Variants in IGSF10 observed in about 807,000 individuals in gnomAD.
IGSF10 encodes the protein immunoglobulin superfamily member 10, also known as calvaria mechanical force protein 608.
A neutral mutation model predicts 128.2 loss-of-function variants in IGSF10; 126 were observed. The ratio of observed to expected loss-of-function variants is 0.98; its 90% CI spans 0.85 to 1.14. The LOEUF (loss-of-function observed/expected upper bound fraction) is 1.14, where lower values mean the gene tolerates loss of function less well. Among genes scored for constraint, IGSF10 ranks in the 50% most tolerant of loss-of-function variants. IGSF10 has a pLI of 0.00. For missense variants in IGSF10, 3,295 were observed against 3,149.8 expected, an observed-to-expected ratio of 1.05 and a Z score of -1.10; for synonymous variants, 1,185 against 1,146.2, an observed-to-expected ratio of 1.03 and a Z score of -0.68.
At chr3:151,520,868 A>T in the IGSF10 span, among the ~76,000 whole-genome samples, 1 of 151,886 alleles carries the variant, frequency 6.6e-6, no homozygotes, top group South Asian at 2.1e-4. Flanking sequence ...AATCAAATCC[A>T]CACATATCAA....
At chr3:151,465,192 A>C (rs910397596), upstream of IGSF10, among the ~76,000 whole-genome samples, 1 of 152,234 alleles carries the variant, frequency 6.6e-6, no homozygotes, top group Non-Finnish European at 1.5e-5. Flanking sequence ...TTAGGGAATA[A>C]AAGAGAGGAT....
In IGSF10 at chr3:151,438,116, T is replaced by C. The variant is rs1354639193; in HGVS notation, c.6445A>G (p.Thr2149Ala). Reference protein sequence around the residue: ...AAPRIRQSNKTNKRIKAGDTA... With the variant: ...AAPRIRQSNKANKRIKAGDTA... ...TCTCCAGCTTTGATTCTCTTGTTGG[T>C]TTTGTTACTCTGCCTTATCCGGGGA... is the stretch of plus-strand genomic sequence containing the variant. Residue 2149 changes from threonine (T) to alanine (A), a missense_variant, in exon 8 of 8, where the codon ACC (threonine) becomes GCC (alanine). Transcript: ENST00000282466. 8 of 1,614,070 alleles carry C rather than the reference T, an allele frequency of 5.0e-6. No homozygotes were observed. In the Admixed American group the frequency reaches 8.3e-5, roughly 17 times the overall value.
At chr3:151,436,025 G>A (rs1393719217), downstream of IGSF10, 1 of 152,014 alleles carries the variant, frequency 6.6e-6, no homozygotes, top group Non-Finnish European at 1.5e-5. Flanking sequence ...GGTGTATTTG[G>A]ACAAAAATAA....
chr3:151,438,160 A>G lies in IGSF10; in HGVS notation c.6401T>C (p.Leu2134Ser), dbSNP rs1720544929. 1 of 1,614,152 alleles carries G rather than the reference A, an allele frequency of 6.2e-7. No homozygotes were observed. The highest frequency in any genetic ancestry group is 2.2e-5 in the East Asian group (1 of 44,880). Reference protein sequence around the residue: ...TLGKDEMKVHLTVITAAPRIR... With the variant: ...TLGKDEMKVHSTVITAAPRIR... ...CCGGGGAGCAGCTGTTATAACTGTT[A>G]AGTGGACCTTCATTTCATCTTTCCC... is the stretch of plus-strand genomic sequence containing the variant. Residue 2134 changes from leucine to serine, a missense_variant, in exon 8 of 8, where the codon TTA (leucine) becomes TCA (serine). Leu to Ser is a moderately radical substitution (Grantham distance 145). Coordinates refer to ENST00000282466, the MANE Select transcript of IGSF10 (RefSeq NM_178822.5).
At chr3:151,568,342 AC>A in the IGSF10 span, among the ~76,000 whole-genome samples, 1 of 152,146 alleles carries the variant, frequency 6.6e-6, no homozygotes, top group Non-Finnish European at 1.5e-5. Flanking sequence ...CACTGTGCAA[AC>A]CAAAATCCTT....
the IGSF10 span, among the ~76,000 whole-genome samples, chr3:151,571,563 T>C: frequency 2.0e-5 from 3 of 152,206 alleles, no homozygotes; most frequent in Non-Finnish European, 4.4e-5. Flanking sequence ...TTTTTGCACA[T>C]TGATTTTGTA....
chr3:151,545,802 A>G, the IGSF10 span, among the ~76,000 whole-genome samples: 1 of 120,616 alleles, frequency 8.3e-6, no homozygotes, highest in Admixed American at 8.5e-5. Context: ...ACATTTTTGG[A>G]TGGAAAGAAA....
At chr3:151,606,201 T>G in the IGSF10 span, among the ~76,000 whole-genome samples, 1,267 of 152,346 alleles carry the variant, frequency 8.3e-3, 26 homozygotes, top group African/African-American at 0.029. Context: ...CTTTGAGATA[T>G]TTATTTAATT....
At chr3:151,467,853 C>T in the IGSF10 span, among the ~76,000 whole-genome samples, 1 of 148,572 alleles carries the variant, frequency 6.7e-6, no homozygotes, top group African/African-American at 2.5e-5. Context: ...CACTGCATTC[C>T]AGCCTGGGCG....
the IGSF10 span, among the ~76,000 whole-genome samples, chr3:151,610,068 G>A: frequency 6.6e-6 from 1 of 152,132 alleles, no homozygotes; most frequent in East Asian, 1.9e-4. Context: ...ATTTTGACAG[G>A]GCAACAGTGG....
rs1720528095 is a variant in IGSF10, at chr3:151,438,060, C to T, written c.6501G>A (p.Gly2167=). 2 of 1,614,152 alleles carry T rather than the reference C, an allele frequency of 1.2e-6. No individual in the cohort carries two copies. Among genetic ancestry groups the T allele is most frequent in the Non-Finnish European group, 1.7e-6 (2 of 1,180,024 alleles). ...ACCAAAATATTTTTGGTTTGGGATCCCCAGTGACCTCACAGTCAAGGACAG... is the reference window on the plus strand; with the variant it reads ...ACCAAAATATTTTTGGTTTGGGATCTCCAGTGACCTCACAGTCAAGGACAG... ...DTAVLDCEVT[G]DPKPKIFWLL... The change falls in exon 8 of 8, where the codon GGG becomes GGA. Residue 2167 remains glycine (G), a synonymous_variant. Transcript: ENST00000282466.
the IGSF10 span, among the ~76,000 whole-genome samples, chr3:151,582,304 C>T: frequency 1.0e-3 from 24 of 23,764 alleles, no homozygotes; most frequent in Admixed American, 7.8e-3. Flanking sequence ...GGGGGGGGGG[C>T]GGGAAGCACA....
the IGSF10 span, among the ~76,000 whole-genome samples, chr3:151,522,777 A>C: frequency 1.3e-5 from 2 of 152,186 alleles, no homozygotes; most frequent in African/African-American, 4.8e-5. Flanking sequence ...AAACTGGCAC[A>C]AGACCAGGAT....
the IGSF10 span, among the ~76,000 whole-genome samples, chr3:151,610,176 TG>T: frequency 7.9e-5 from 12 of 151,938 alleles, no homozygotes; most frequent in Non-Finnish European, 1.0e-4. Context: ...AGGAGAGCAT[TG>T]GTAAAGGAAA....
the IGSF10 span, among the ~76,000 whole-genome samples, chr3:151,475,355 G>C: frequency 6.6e-6 from 1 of 152,190 alleles, no homozygotes; most frequent in Non-Finnish European, 1.5e-5. Context: ...TCTCTAAATT[G>C]AGAGGTTAAC....
chr3:151,453,424 G>A lies in IGSF10; in HGVS notation c.675C>T (p.Cys225=), dbSNP rs774458130. 77 of 1,607,898 alleles carry A rather than the reference G, an allele frequency of 4.8e-5. No homozygotes were observed. Among genetic ancestry groups the A allele is most frequent in the Non-Finnish European group, 6.4e-5 (76 of 1,178,502 alleles). Residue 225 remains cysteine, a synonymous_variant, in exon 5 of 8, where the codon TGC becomes TGT. Coordinates refer to ENST00000282466, the MANE Select transcript of IGSF10 (RefSeq NM_178822.5). ...TCCAGTCAGACAACCACTTTAAATG[G>A]CAATCACAGGTCCATGGGTTTCCAT... ...YLHGNPWTCD[C]HLKWLSDWIQ... is the part of the protein sequence containing the mutation.
chr3:151,465,912 C>T (rs1374688768), upstream of IGSF10, among the ~76,000 whole-genome samples: 1 of 152,200 alleles, frequency 6.6e-6, no homozygotes, highest in African/African-American at 2.4e-5. Context: ...AGCAGTCATA[C>T]TTCAACCACT....
At chr3:151,544,469 T>C in the IGSF10 span, among the ~76,000 whole-genome samples, 1 of 152,204 alleles carries the variant, frequency 6.6e-6, no homozygotes, top group Non-Finnish European at 1.5e-5. Flanking sequence ...TTTGAAAATA[T>C]ATATCCAGCT....
the IGSF10 span, among the ~76,000 whole-genome samples, chr3:151,499,234 TAA>T: frequency 6.6e-6 from 1 of 152,124 alleles, no homozygotes; most frequent in African/African-American, 2.4e-5. Context: ...TTTATTTGAC[TAA>T]AAAAGTCTTG....
Sources: gnomAD v4.1 joint callset for allele counts (sites outside exome capture counted in the v4.1 genomes callset) on GRCh38, gnomAD v4.1.1 for gene constraint, MANE v1.5 for transcripts, NCBI Gene and HGNC (gene_info 2026-07-23, HGNC 2026-07-21) for gene names.